The following YTHDC2 variants were observed in gnomAD, a reference collection of about 807,000 sequenced individuals.
YTHDC2 encodes YTH N6-methyladenosine RNA binding protein C2, also known as 3'-5' RNA helicase YTHDC2.
In YTHDC2, 45 loss-of-function variants were observed where a neutral mutation model predicts 174.9. The observed-to-expected ratio is 0.26, with a 90% CI of 0.20 to 0.33. The LOEUF is 0.33. YTHDC2 is among the 10% of genes least tolerant of loss of function. The pLI, the probability that YTHDC2 is intolerant of heterozygous loss-of-function variation, is 1.00. For missense variants in YTHDC2, 1,650 were observed against 1,723.7 expected (o/e 0.96, Z 0.76); for synonymous variants, 657 against 574.5 (o/e 1.14, Z -2.05).
chr5:113,524,492 A>G (rs1385310371), intron 2 of YTHDC2, among the ~76,000 whole-genome samples: 1 of 152,130 alleles, frequency 6.6e-6, no homozygotes, highest in Non-Finnish European at 1.5e-5. Flanking sequence ...TTTTGGTCCA[A>G]CCATGAAACT....
intron 3 of YTHDC2, 152 bp downstream of exon 3, chr5:113,525,329 A>G (rs1774138974): frequency 1.3e-6 from 1 of 758,500 alleles, no homozygotes; most frequent in South Asian, 2.2e-5. Context: ...AAAATTTGAA[A>G]CAAAGTGCAG....
rs113314175 is a variant in YTHDC2, at chr5:113,592,191, A to ATTTTT, written c.4212+20_4212+24dup. On this transcript the variant is annotated intron_variant, in intron 28 of 29. Coordinates refer to ENST00000161863, the MANE Select transcript of YTHDC2 (RefSeq NM_022828.5). ...CAGGGATGGGCAGGTATACAATGGC[A>ATTTTT]TTTTTTTTTTTATTTACTTTTGTTT... The ATTTTT allele has an allele frequency of 3.0e-5, 41 of 1,383,342 alleles. No individual in the cohort carries two copies. Among genetic ancestry groups the ATTTTT allele is most frequent in the South Asian group, 7.1e-5 (5 of 70,482 alleles). The allele number at this position is 1,383,342 out of a possible 1,614,324, so 85.7% of individuals were successfully genotyped here. A position where few individuals can be genotyped will look rare whatever the true frequency, so the allele number is the denominator to read the frequency against.
At chr5:113,586,296 G>A (rs539361043) in intron 26 of YTHDC2, among the ~76,000 whole-genome samples, 1 of 152,030 alleles carries the variant, frequency 6.6e-6, no homozygotes, top group South Asian at 2.1e-4. Flanking sequence ...ATTAGCCATT[G>A]TGTATCATCT....
chr5:113,537,503 A>G (rs1374049659), intron 7 of YTHDC2, among the ~76,000 whole-genome samples: 2 of 151,382 alleles, frequency 1.3e-5, no homozygotes, highest in Non-Finnish European at 2.9e-5. Context: ...TGATGCTTAA[A>G]TAGTGGTATT....
chr5:113,524,249 A>C (rs951205948), intron 2 of YTHDC2, among the ~76,000 whole-genome samples: 1 of 152,128 alleles, frequency 6.6e-6, no homozygotes, highest in African/African-American at 2.4e-5. Flanking sequence ...TTCAAAACAC[A>C]TCTGGGAAAT....
chr5:113,560,147 A>G (rs892522325), intron 17 of YTHDC2, among the ~76,000 whole-genome samples: 1 of 152,192 alleles, frequency 6.6e-6, no homozygotes, highest in Admixed American at 6.5e-5. Context: ...ATCATTAGGC[A>G]TCCACCTTAT....
intron 24 of YTHDC2, 36 bp downstream of exon 24, chr5:113,579,731 C>A (rs757716741): frequency 6.4e-7 from 1 of 1,556,016 alleles, no homozygotes; most frequent in Non-Finnish European, 8.7e-7. Context: ...AAATTTCTTT[C>A]ATTCAGTTAG....
chr5:113,526,519 A>G, intron 3 of YTHDC2, 67 bp from the exon 4 acceptor site: 1 of 1,349,910 alleles, frequency 7.4e-7, no homozygotes, highest in Non-Finnish European at 9.9e-7. Context: ...AAAAAAAATT[A>G]CTTATTTTTA....
intron 2 of YTHDC2, among the ~76,000 whole-genome samples, chr5:113,519,652 G>A (rs1040460676): frequency 2.0e-5 from 3 of 152,164 alleles, no homozygotes; most frequent in African/African-American, 7.2e-5. Context: ...GAGGTCCCAT[G>A]GACTTAAAAT....
At chr5:113,562,984 C>T (rs1253398092) in intron 18 of YTHDC2, among the ~76,000 whole-genome samples, 1 of 152,052 alleles carries the variant, frequency 6.6e-6, no homozygotes, top group Non-Finnish European at 1.5e-5. Flanking sequence ...CCAATTTGCA[C>T]AGGGCCTTGC....
intron 17 of YTHDC2, among the ~76,000 whole-genome samples, chr5:113,560,577 T>C (rs1580584875): frequency 6.6e-6 from 1 of 152,190 alleles, no homozygotes; most frequent in Non-Finnish European, 1.5e-5. Flanking sequence ...ATAGTGACTT[T>C]GGGTGAATTT....
intron 2 of YTHDC2, among the ~76,000 whole-genome samples, chr5:113,517,170 A>G (rs991134082): frequency 2.0e-5 from 3 of 152,200 alleles, no homozygotes; most frequent in African/African-American, 7.2e-5. Context: ...TTTGCTGGAA[A>G]TTCTATGAAT....
At chr5:113,517,686 C>G (rs1199617689) in intron 2 of YTHDC2, 3 of 407,820 alleles carry the variant, frequency 7.4e-6, no homozygotes, top group African/African-American at 6.3e-5. Flanking sequence ...TACCCTAGCT[C>G]CTTCTCTCTT....
At chr5:113,563,583 AT>A in intron 19 of YTHDC2, 91 bp downstream of exon 19, 1 of 1,378,146 alleles carries the variant, frequency 7.3e-7, no homozygotes, top group Non-Finnish European at 9.7e-7. Context: ...TTGTATAATT[AT>A]TTTTTATTTT....
In YTHDC2 at chr5:113,594,388, G is replaced by A. The variant is rs1779155246; in HGVS notation, c.*914G>A. The A allele has an allele frequency of 6.6e-6, 1 of 152,144 alleles. No homozygotes were observed. Among genetic ancestry groups the A allele is most frequent in the Non-Finnish European group, 1.5e-5 (1 of 68,022 alleles). The allele number at this position is 152,144 out of a possible 1,614,324, so 9.4% of individuals were successfully genotyped here. A position where few individuals can be genotyped will look rare whatever the true frequency, so the allele number is the denominator to read the frequency against. ...TTTAAAAATTCTCAACTGGTAGCTT[G>A]CTTGCTGTGCGTCTTCCAAACTAAA... On this transcript the variant is annotated 3_prime_UTR_variant, in exon 30 of 30. Transcript: ENST00000161863.
At chr5:113,558,793 G>A (rs1776771321) in intron 17 of YTHDC2, among the ~76,000 whole-genome samples, 1 of 151,660 alleles carries the variant, frequency 6.6e-6, no homozygotes, top group African/African-American at 2.4e-5. Context: ...GTGGGGGTGG[G>A]CACCTATAAT....
chr5:113,580,667 G>A (rs1778346813), intron 24 of YTHDC2, among the ~76,000 whole-genome samples: 1 of 152,152 alleles, frequency 6.6e-6, no homozygotes, highest in South Asian at 2.1e-4. Flanking sequence ...AAGGTCAACT[G>A]TGTCCTTCAT....
In YTHDC2 at chr5:113,579,600, A is replaced by G. The variant is rs1778269559; in HGVS notation, c.3259A>G (p.Asn1087Asp). ...PSSFRVDGIP[N>D]DSSDSEMEDK... ...TACTTGGACAGTGGATGGCATTCCC[A>G]ATGACAGTAGTGATAGTGAAATGGA... Residue 1087 changes from asparagine (N) to aspartate (D), a missense_variant, in exon 24 of 30, where the codon AAT (asparagine) becomes GAT (aspartate). Physicochemically the swap from Asn to Asp is conservative, Grantham distance 23. Transcript: ENST00000161863. 1.2e-6 allele frequency: 2 copies of G among 1,605,116 alleles called. No individual in the cohort carries two copies. Among genetic ancestry groups the G allele is most frequent in the African/African-American group, 2.7e-5 (2 of 74,490 alleles).
At chr5:113,573,253 C>A (rs1040987018) in intron 23 of YTHDC2, among the ~76,000 whole-genome samples, 1 of 152,162 alleles carries the variant, frequency 6.6e-6, no homozygotes, top group African/African-American at 2.4e-5. Flanking sequence ...ATATGAAATT[C>A]TGGGTTGGAA....
Sources: gnomAD v4.1 joint callset for allele counts (sites outside exome capture counted in the v4.1 genomes callset) on GRCh38, gnomAD v4.1.1 for gene constraint, MANE v1.5 for transcripts, NCBI Gene and HGNC (gene_info 2026-07-23, HGNC 2026-07-21) for gene names.